The following CHTF8 variants were observed in gnomAD, a reference collection of about 807,000 sequenced individuals.
The protein encoded by CHTF8 is chromosome transmission fidelity factor 8, also known as chromosome transmission fidelity protein 8 homolog.
In CHTF8, 6 loss-of-function variants were observed where a neutral mutation model predicts 11.0. The observed-to-expected ratio is 0.55, with a 90% CI of 0.30 to 1.08. CHTF8 has a LOEUF of 1.08. Ranked by LOEUF, CHTF8 falls within the 50% of genes least tolerant of loss-of-function variation. The probability of loss-of-function intolerance (pLI) is 0.07; values close to 1 mark genes in which losing one functional copy is unlikely to be tolerated. For missense variants in CHTF8, 140 were observed against 153.1 expected (o/e 0.91, Z 0.45); for synonymous variants, 53 against 60.5 (o/e 0.88, Z 0.57).
intron 1 of CHTF8, among the ~76,000 whole-genome samples, chr16:69,121,923 C>T (rs1961703015): frequency 6.6e-6 from 1 of 152,152 alleles, no homozygotes; most frequent in Non-Finnish European, 1.5e-5. Context: ...CCCACCTTGG[C>T]CTCCCAAAGT....
At position 69,119,995 on chromosome 16, in the gene CHTF8, G is replaced by A. The variant is rs953378157; in HGVS notation, c.*430C>T. 7.2e-6 allele frequency: 5 copies of A among 695,322 alleles called. No homozygotes were observed. Among genetic ancestry groups the A allele is most frequent in the Non-Finnish European group, 1.3e-5 (5 of 379,810 alleles). The allele number at this position is 695,322 out of a possible 1,614,324, so 43.1% of individuals were successfully genotyped here. A position where few individuals can be genotyped will look rare whatever the true frequency, so the allele number is the denominator to read the frequency against. On this transcript the variant is annotated 3_prime_UTR_variant, in exon 4 of 4. Transcript: ENST00000448552. ...TGGTCCTGGGAGACCCCCTAACCTG[G>A]GGTTAGACAGAGGCCCTGGGCCTGG... is the stretch of plus-strand genomic sequence containing the variant.
chr16:69,128,205 G>A (rs370672401), intron 1 of CHTF8, among the ~76,000 whole-genome samples: 22 of 152,174 alleles, frequency 1.4e-4, no homozygotes, highest in Admixed American at 4.6e-4. Flanking sequence ...GAACCACAGC[G>A]CCCGGCTAAC....
chr16:69,129,523 C>T (rs1962343564), intron 1 of CHTF8, among the ~76,000 whole-genome samples: 1 of 152,026 alleles, frequency 6.6e-6, no homozygotes, highest in Non-Finnish European at 1.5e-5. Flanking sequence ...AAGCTAGCCT[C>T]GTTCACTTAT....
At chr16:69,121,905 G>C (rs1262033047) in intron 1 of CHTF8, among the ~76,000 whole-genome samples, 1 of 152,104 alleles carries the variant, frequency 6.6e-6, no homozygotes, top group Non-Finnish European at 1.5e-5. Flanking sequence ...TCCTGACCTC[G>C]TGATCCACCC....
At chr16:69,121,220 AAT>A (rs1180539800) in intron 2 of CHTF8, 50 bp from the exon 3 acceptor site, 4 of 1,535,310 alleles carry the variant, frequency 2.6e-6, no homozygotes, top group Non-Finnish European at 9.0e-7. Flanking sequence ...GTGAAGGATG[AAT>A]AGTGTCCTCA....
In CHTF8 at chr16:69,118,809, C is replaced by A; in HGVS notation, c.*1616G>T. 1.5e-6 allele frequency: 1 copy of A among 670,846 alleles called. No homozygotes were observed. Among genetic ancestry groups the A allele is most frequent in the Non-Finnish European group, 2.7e-6 (1 of 369,250 alleles). The allele number at this position is 670,846 out of a possible 1,614,324, so 41.6% of individuals were successfully genotyped here. A position where few individuals can be genotyped will look rare whatever the true frequency, so the allele number is the denominator to read the frequency against. ...TACCTAAGACAGCCCCTGCCAAGAACCACAGTGCCTAGAAACCAAGGTGGT... is the reference window on the plus strand; with the variant it reads ...TACCTAAGACAGCCCCTGCCAAGAAACACAGTGCCTAGAAACCAAGGTGGT... On this transcript the variant is annotated 3_prime_UTR_variant, in exon 4 of 4. Coordinates refer to ENST00000448552, the MANE Select transcript of CHTF8 (RefSeq NM_001039690.5).
chr16:69,127,600 AC>A (rs1390917093), intron 1 of CHTF8, among the ~76,000 whole-genome samples: 22 of 143,554 alleles, frequency 1.5e-4, no homozygotes, highest in Admixed American at 1.5e-3. Flanking sequence ...TCTCCCGGCA[AC>A]TTTTTTTTTT....
intron 1 of CHTF8, among the ~76,000 whole-genome samples, chr16:69,124,239 A>G (rs1028880528): frequency 6.6e-6 from 1 of 152,182 alleles, no homozygotes; most frequent in Non-Finnish European, 1.5e-5. Context: ...TCTGTGATGC[A>G]TAGATTCATG....
intron 1 of CHTF8, among the ~76,000 whole-genome samples, chr16:69,124,190 G>A (rs904165279): frequency 3.9e-5 from 6 of 151,998 alleles, no homozygotes; most frequent in Admixed American, 1.3e-4. Context: ...TACTTTGTAA[G>A]AACTGGACAT....
rs1295375010 is a variant in CHTF8, at chr16:69,119,063, G to A, written c.*1362C>T. On this transcript the variant is annotated 3_prime_UTR_variant, in exon 4 of 4. Coordinates refer to ENST00000448552, the MANE Select transcript of CHTF8 (RefSeq NM_001039690.5). ...AAAGGAGCTGGGTTGATACCCACAGGGCCAGCTGGAGAAGGGCCCAGATGC... is the reference window on the plus strand; with the variant it reads ...AAAGGAGCTGGGTTGATACCCACAGAGCCAGCTGGAGAAGGGCCCAGATGC... The A allele has an allele frequency of 2.1e-5, 15 of 702,932 alleles. No individual in the cohort carries two copies. The highest frequency in any genetic ancestry group is 1.0e-5 in the Non-Finnish European group (4 of 385,028). The allele number at this position is 702,932 out of a possible 1,614,324, so 43.5% of individuals were successfully genotyped here.
At chr16:69,121,240 A>T in intron 2 of CHTF8, 70 bp from the exon 3 acceptor site, 1 of 1,438,828 alleles carries the variant, frequency 7.0e-7, no homozygotes, top group Non-Finnish European at 9.6e-7. Context: ...TCACACCACC[A>T]TTTGAGGCCC....
intron 1 of CHTF8, among the ~76,000 whole-genome samples, chr16:69,124,823 A>G (rs1034414201): frequency 1.3e-5 from 2 of 152,114 alleles, no homozygotes; most frequent in African/African-American, 4.8e-5. Context: ...CTGGTATGTT[A>G]ATCTTCCTTT....
intron 1 of CHTF8, among the ~76,000 whole-genome samples, chr16:69,126,383 G>C (rs1161011937): frequency 2.6e-5 from 4 of 152,216 alleles, no homozygotes. Context: ...TGGTTGCTGG[G>C]ATGGCACAGC....
chr16:69,122,375 TTTTTTTC>T (rs942846023), intron 1 of CHTF8, among the ~76,000 whole-genome samples: 7 of 151,886 alleles, frequency 4.6e-5, no homozygotes, highest in South Asian at 2.1e-4. Context: ...CTTTTTTTTT[TTTTTTTC>T]TTTTTCTTGA....
intron 1 of CHTF8, among the ~76,000 whole-genome samples, chr16:69,127,713 G>GA (rs1453313018): frequency 6.7e-6 from 1 of 149,076 alleles, no homozygotes; most frequent in Non-Finnish European, 1.5e-5. Flanking sequence ...AGGTTCAAGT[G>GA]ATTCTCCTGC....
At chr16:69,131,305 G>A (rs1962492882) in intron 1 of CHTF8, 1 of 152,108 alleles carries the variant, frequency 6.6e-6, no homozygotes, top group South Asian at 2.1e-4. Context: ...ACTGGTATTT[G>A]TAGCAATGGG....
chr16:69,121,008 C>A, intron 3 of CHTF8, 45 bp downstream of exon 3: 1 of 1,535,014 alleles, frequency 6.5e-7, no homozygotes, highest in Non-Finnish European at 9.0e-7. Context: ...CTTGGTGTAG[C>A]TTGCTTTCCT....
chr16:69,121,220 A>T, intron 2 of CHTF8, 50 bp from the exon 3 acceptor site: 1 of 1,535,310 alleles, frequency 6.5e-7, no homozygotes, highest in Non-Finnish European at 9.0e-7. Flanking sequence ...GTGAAGGATG[A>T]ATAGTGTCCT....
rs764144816 is a variant in CHTF8, at chr16:69,122,539, A to ATT, written c.-35-1048_-35-1047dup. Among the ~76,000 whole-genome samples, 674 of 130,740 alleles carry ATT rather than the reference A, an allele frequency of 5.2e-3. 5 individuals are homozygous for ATT. Among genetic ancestry groups the ATT allele is most frequent in the Non-Finnish European group, 7.3e-3 (444 of 60,744 alleles). The allele number at this position is 130,740 out of a possible 152,430, so 85.8% of individuals were successfully genotyped here. A position where few individuals can be genotyped will look rare whatever the true frequency, so the allele number is the denominator to read the frequency against. ...AGGTGCATGTCACCATACCCAGCTA[A>ATT]TTTTTTTTTTTTTTTTTTTGGGAGG... On this transcript the variant is annotated intron_variant, in intron 1 of 3. Transcript: ENST00000448552.
Sources: allele counts gnomAD v4.1 joint callset (sites outside exome capture counted in the v4.1 genomes callset), GRCh38; gene constraint gnomAD v4.1.1; transcripts MANE v1.5; gene names NCBI Gene and HGNC (gene_info 2026-07-23, HGNC 2026-07-21).